SGCZ: variants seen among roughly 807,000 people sequenced by gnomAD.
SGCZ encodes the protein sarcoglycan zeta.
Under a neutral mutation model 41.3 loss-of-function variants are expected in SGCZ, and 40 were observed. The observed-to-expected ratio is 0.97, with a 90% CI of 0.75 to 1.26. The LOEUF is 1.26. SGCZ is among the 50% of genes most tolerant of loss of function. The pLI, the probability that SGCZ is intolerant of heterozygous loss-of-function variation, is 0.00. For missense variants in SGCZ, 552 were observed against 369.8 expected (o/e 1.49, Z -4.04); for synonymous variants, 206 against 137.5 (o/e 1.50, Z -3.49).
chr8:15,134,082 C>T (rs779269578), intron 1 of SGCZ, among the ~76,000 whole-genome samples: 1 of 151,992 alleles, frequency 6.6e-6, no homozygotes, highest in African/African-American at 2.4e-5. Flanking sequence ...ATGACTGAGG[C>T]CACTTAATTC....
At chr8:15,045,703 A>G (rs1054006139) in intron 1 of SGCZ, among the ~76,000 whole-genome samples, 1 of 152,110 alleles carries the variant, frequency 6.6e-6, no homozygotes, top group African/African-American at 2.4e-5. Context: ...CTACACTGAC[A>G]AAACAGATTC....
intron 3 of SGCZ, among the ~76,000 whole-genome samples, chr8:14,266,275 A>T (rs1387490012): frequency 6.6e-6 from 1 of 152,178 alleles, no homozygotes; most frequent in Admixed American, 6.5e-5. Flanking sequence ...CAATACAAAT[A>T]TAACAGGCAT....
intron 3 of SGCZ, among the ~76,000 whole-genome samples, 155 bp from the exon 4 acceptor site, chr8:14,237,834 T>G (rs534986585): frequency 6.6e-6 from 1 of 152,238 alleles, no homozygotes; most frequent in Non-Finnish European, 1.5e-5. Flanking sequence ...GTGGACAATG[T>G]ACAAAACTGA....
intron 1 of SGCZ, among the ~76,000 whole-genome samples, chr8:14,885,867 G>T (rs1239019186): frequency 6.6e-6 from 1 of 151,102 alleles, no homozygotes; most frequent in African/African-American, 2.4e-5. Flanking sequence ...AATTTGGGAA[G>T]AACATGAAAA....
intron 3 of SGCZ, among the ~76,000 whole-genome samples, chr8:14,284,805 A>C (rs1459611947): frequency 1.3e-5 from 2 of 152,120 alleles, no homozygotes; most frequent in African/African-American, 4.8e-5. Flanking sequence ...GTACATCTTT[A>C]CTATTTTCAC....
At chr8:14,346,115 T>C (rs1295219470) in intron 2 of SGCZ, among the ~76,000 whole-genome samples, 1 of 152,076 alleles carries the variant, frequency 6.6e-6, no homozygotes, top group East Asian at 1.9e-4. Flanking sequence ...ATCGGCTCTG[T>C]TATGTATCAG....
At chr8:14,454,563 T>C (rs186905665) in intron 2 of SGCZ, among the ~76,000 whole-genome samples, 130 of 152,208 alleles carry the variant, frequency 8.5e-4, no homozygotes, top group Non-Finnish European at 1.4e-3. Context: ...GTAAAGTTCA[T>C]ACGTAAAAAC....
rs555938209 is a variant in SGCZ at position 15,050,352 on chromosome 8, T to C, written c.39+187233A>G. On this transcript the variant is annotated intron_variant, in intron 1 of 7. Coordinates refer to ENST00000382080, the MANE Select transcript of SGCZ (RefSeq NM_139167.4). ...GGTTTATGTGGCCCTCTCTGTGAAA[T>C]TGGGAAGAGCTAACCTATTTATGGC... 7.9e-5 allele frequency among the ~76,000 whole-genome samples: 12 copies of C among 152,224 alleles called. No homozygotes were observed. In the East Asian group the frequency reaches 1.2e-3, roughly 15 times the overall value.
At chr8:14,461,407 G>A (rs1800897938) in intron 2 of SGCZ, among the ~76,000 whole-genome samples, 1 of 152,048 alleles carries the variant, frequency 6.6e-6, no homozygotes, top group Non-Finnish European at 1.5e-5. Flanking sequence ...TTACACATGT[G>A]TAATTTCTTT....
intron 1 of SGCZ, among the ~76,000 whole-genome samples, chr8:15,150,444 A>G (rs1302399161): frequency 6.6e-6 from 1 of 152,178 alleles, no homozygotes. Context: ...GACCCTGCTG[A>G]GCATAGGTAA....
At chr8:14,416,222 C>G (rs1799489057) in intron 2 of SGCZ, among the ~76,000 whole-genome samples, 1 of 151,828 alleles carries the variant, frequency 6.6e-6, no homozygotes. Context: ...GCCAGAAGGC[C>G]TCCTTTAAGG....
chr8:14,801,729 G>C (rs780351320), intron 1 of SGCZ, among the ~76,000 whole-genome samples: 1 of 152,160 alleles, frequency 6.6e-6, no homozygotes, highest in African/African-American at 2.4e-5. Flanking sequence ...AGATCATGTG[G>C]TCAACAAATT....
intron 3 of SGCZ, among the ~76,000 whole-genome samples, chr8:14,263,423 C>G (rs141737958): frequency 2.6e-5 from 4 of 152,152 alleles, no homozygotes; most frequent in African/African-American, 7.2e-5. Flanking sequence ...GAGGCACGTG[C>G]CTGAAATCCC....
chr8:14,358,178 G>A (rs960005023), intron 2 of SGCZ, among the ~76,000 whole-genome samples: 14 of 152,218 alleles, frequency 9.2e-5, no homozygotes, highest in South Asian at 2.1e-4. Context: ...AGTGCCTGCC[G>A]TGGGCTAAAC....
intron 1 of SGCZ, among the ~76,000 whole-genome samples, chr8:15,223,219 A>G (rs1205218453): frequency 6.6e-6 from 1 of 152,158 alleles, no homozygotes; most frequent in East Asian, 1.9e-4. Context: ...TACGGAAAAT[A>G]AAAAGAAATT....
At chr8:15,161,487 T>C (rs1799510865) in intron 1 of SGCZ, among the ~76,000 whole-genome samples, 1 of 152,170 alleles carries the variant, frequency 6.6e-6, no homozygotes, top group African/African-American at 2.4e-5. Flanking sequence ...GCCAGGGCTG[T>C]ATGTGTTTTG....
intron 2 of SGCZ, among the ~76,000 whole-genome samples, chr8:14,509,579 C>G (rs1261672817): frequency 6.6e-6 from 1 of 152,098 alleles, no homozygotes; most frequent in Non-Finnish European, 1.5e-5. Flanking sequence ...AATGTTTAAA[C>G]AAAAGCAATT....
intron 1 of SGCZ, among the ~76,000 whole-genome samples, chr8:15,022,860 CATAG>C (rs1473145292): frequency 2.6e-5 from 4 of 152,330 alleles, no homozygotes; most frequent in Non-Finnish European, 4.4e-5. Context: ...TTCTACATTT[CATAG>C]ATAAAGACGT....
chr8:15,098,482 A>G (rs557773204), intron 1 of SGCZ, among the ~76,000 whole-genome samples: 36 of 152,304 alleles, frequency 2.4e-4, no homozygotes, highest in Non-Finnish European at 4.7e-4. Context: ...CATGTCTCCT[A>G]ACTCTTTTGC....
Sources: allele counts gnomAD v4.1 joint callset (sites outside exome capture counted in the v4.1 genomes callset), GRCh38; gene constraint gnomAD v4.1.1; transcripts MANE v1.5; gene names NCBI Gene and HGNC (gene_info 2026-07-23, HGNC 2026-07-21).